TAS2R1: variants seen among roughly 807,000 people sequenced by gnomAD.
TAS2R1 encodes taste receptor type 2 member 1.
For synonymous variants in TAS2R1, 141 were observed against 134.2 expected (o/e 1.05, Z -0.35); for missense variants, 370 against 353.4 (o/e 1.05, Z -0.38).
intron 1 of TAS2R1, among the ~76,000 whole-genome samples, chr5:9,690,020 C>T (rs79751731): frequency 0.031 from 4,777 of 152,094 alleles, 96 homozygotes; most frequent in African/African-American, 0.057. Context: ...TAGTTCTTTC[C>T]CAATTAATTG....
intron 1 of TAS2R1, among the ~76,000 whole-genome samples, chr5:9,699,312 A>G (rs1741426733): frequency 6.6e-6 from 1 of 152,234 alleles, no homozygotes; most frequent in African/African-American, 2.4e-5. Context: ...GATGAAGCTG[A>G]GCATTCGCGA....
chr5:9,725,343 G>T, the TAS2R1 span, among the ~76,000 whole-genome samples: 1 of 152,238 alleles, frequency 6.6e-6, no homozygotes, highest in Non-Finnish European at 1.5e-5. Context: ...GCTGCGCGCG[G>T]AGCTTGTGGG....
At chr5:9,830,971 A>T in the TAS2R1 span, among the ~76,000 whole-genome samples, 70 of 152,148 alleles carry the variant, frequency 4.6e-4, no homozygotes, top group Non-Finnish European at 9.6e-4. Context: ...ATGAATTTTT[A>T]AAAAATCATC....
chr5:9,889,197 C>T, the TAS2R1 span, among the ~76,000 whole-genome samples: 3 of 152,194 alleles, frequency 2.0e-5, no homozygotes, highest in Admixed American at 2.0e-4. Flanking sequence ...GCTCAGGGTA[C>T]ATTTCTGGTT....
chr5:9,860,704 G>A, the TAS2R1 span, among the ~76,000 whole-genome samples: 1 of 152,126 alleles, frequency 6.6e-6, no homozygotes, highest in East Asian at 1.9e-4. Context: ...TCAAACTGCA[G>A]GAAAAAATGG....
chr5:9,634,826 CT>C (rs1373374440), upstream of TAS2R1, among the ~76,000 whole-genome samples: 1 of 152,074 alleles, frequency 6.6e-6, no homozygotes, highest in African/African-American at 2.4e-5. Context: ...ATTCATTTAT[CT>C]GATCTAGGAG....
chr5:9,727,947 G>C, the TAS2R1 span, among the ~76,000 whole-genome samples: 1 of 152,192 alleles, frequency 6.6e-6, no homozygotes, highest in Non-Finnish European at 1.5e-5. Flanking sequence ...TGAATGCAGG[G>C]CAGTCGCCAG....
the TAS2R1 span, among the ~76,000 whole-genome samples, chr5:9,852,378 C>A: frequency 2.0e-5 from 3 of 151,228 alleles, no homozygotes; most frequent in African/African-American, 7.3e-5. Context: ...TTTTCATTCT[C>A]TCCTGTTTCT....
the TAS2R1 span, among the ~76,000 whole-genome samples, chr5:9,890,134 A>G: frequency 2.0e-5 from 3 of 152,188 alleles, no homozygotes; most frequent in African/African-American, 7.2e-5. Flanking sequence ...CAGCCTTCAG[A>G]AGAAATCCCA....
At chr5:9,705,696 T>G (rs1039104737) in intron 1 of TAS2R1, among the ~76,000 whole-genome samples, 9 of 152,046 alleles carry the variant, frequency 5.9e-5, no homozygotes, top group African/African-American at 1.7e-4. Context: ...CCATCTCTAC[T>G]AAAAATACAA....
At chr5:9,898,000 T>G in the TAS2R1 span, among the ~76,000 whole-genome samples, 2 of 152,344 alleles carry the variant, frequency 1.3e-5, no homozygotes, top group East Asian at 1.9e-4. Context: ...ATGTATTTTC[T>G]AATGACACGG....
At chr5:9,800,099 C>T in the TAS2R1 span, among the ~76,000 whole-genome samples, 2 of 152,146 alleles carry the variant, frequency 1.3e-5, no homozygotes, top group Non-Finnish European at 2.9e-5. Flanking sequence ...TCCTATAACT[C>T]CTAGTATAGA....
rs1338034820 is a variant in TAS2R1, at chr5:9,641,026, G to A, written c.-80-11034C>T. On this transcript the variant is annotated intron_variant, in intron 2 of 2. Transcript: ENST00000506620. ...GGTGTGCGCCTTCAGCAAGGTCCTG[G>A]CATTTCAGTATTGCAAGAAAAGTAA... Among the ~76,000 whole-genome samples the A allele has an allele frequency of 2.0e-5, 3 of 151,918 alleles. No individual in the cohort carries two copies. The East Asian group carries it at 5.8e-4, about 29-fold the overall frequency.
chr5:9,749,012 C>T, the TAS2R1 span, among the ~76,000 whole-genome samples: 1 of 152,142 alleles, frequency 6.6e-6, no homozygotes, highest in African/African-American at 2.4e-5. Flanking sequence ...TGAAAATAAA[C>T]TGAAGGCTTT....
chr5:9,818,556 G>A, the TAS2R1 span, among the ~76,000 whole-genome samples: 1 of 152,216 alleles, frequency 6.6e-6, no homozygotes, highest in African/African-American at 2.4e-5. Flanking sequence ...CTGGCTGTGG[G>A]CCAGGGTGAT....
the TAS2R1 span, among the ~76,000 whole-genome samples, chr5:9,805,243 T>C: frequency 6.6e-6 from 1 of 151,990 alleles, no homozygotes; most frequent in Non-Finnish European, 1.5e-5. Flanking sequence ...AAGATTGAAA[T>C]GGTAATTTAA....
At chr5:9,897,303 G>A in the TAS2R1 span, among the ~76,000 whole-genome samples, 2 of 152,218 alleles carry the variant, frequency 1.3e-5, no homozygotes, top group Admixed American at 6.5e-5. Context: ...ACAAAAATTA[G>A]CTGGGCGTGG....
the TAS2R1 span, among the ~76,000 whole-genome samples, chr5:9,841,131 T>C: frequency 6.6e-6 from 1 of 152,220 alleles, no homozygotes; most frequent in African/African-American, 2.4e-5. Flanking sequence ...CTTATATTTC[T>C]ACCTTGAGAG....
At chr5:9,796,720 G>GAAAAAAAAAA in the TAS2R1 span, among the ~76,000 whole-genome samples, 10 of 77,316 alleles carry the variant, frequency 1.3e-4, no homozygotes, top group East Asian at 1.6e-3. Flanking sequence ...GCTATTTTCT[G>GAAAAAAAAAA]GAAAAAAAAA....
Sources: gnomAD v4.1 joint callset for allele counts (sites outside exome capture counted in the v4.1 genomes callset) on GRCh38, gnomAD v4.1.1 for gene constraint, MANE v1.5 for transcripts, NCBI Gene and HGNC (gene_info 2026-07-23, HGNC 2026-07-21) for gene names.